RHOT1: variants seen among roughly 807,000 people sequenced by gnomAD.
RHOT1 encodes mitochondrial Rho GTPase 1.
In RHOT1, 27 loss-of-function variants were observed where a neutral mutation model predicts 95.3. The ratio of observed to expected loss-of-function variants is 0.28; its 90% CI spans 0.21 to 0.39. RHOT1 has a LOEUF of 0.39. Among genes scored for constraint, RHOT1 ranks in the 10% least tolerant of loss-of-function variants. The pLI, the probability that RHOT1 is intolerant of heterozygous loss-of-function variation, is 1.00. For synonymous variants in RHOT1, 227 were observed against 263.5 expected (o/e 0.86, Z 1.34); for missense variants, 578 against 786.7 (o/e 0.73, Z 3.17).
At chr17:32,224,534 C>T in intron 19 of RHOT1, 82 bp from the exon 20 acceptor site, 2 of 960,066 alleles carry the variant, frequency 2.1e-6, no homozygotes, top group Non-Finnish European at 3.2e-6. Context: ...TAATACTTCC[C>T]TAAAAGTAGA....
At chr17:32,216,418 T>G (rs1332963395) in intron 19 of RHOT1, among the ~76,000 whole-genome samples, 3 of 152,154 alleles carry the variant, frequency 2.0e-5, no homozygotes, top group Admixed American at 6.5e-5. Flanking sequence ...ATTTTATTAT[T>G]TGCATTAGCC....
At chr17:32,222,565 A>T (rs2038897341) in intron 19 of RHOT1, among the ~76,000 whole-genome samples, 1 of 152,018 alleles carries the variant, frequency 6.6e-6, no homozygotes, top group Admixed American at 6.6e-5. Context: ...CAGAGTACAT[A>T]CAGATAGATT....
chr17:32,199,494 A>G lies in RHOT1; in HGVS notation c.1044A>G (p.Thr348=). The change falls in exon 13 of 20, where the codon ACA becomes ACG. Residue 348 remains threonine (T), a synonymous_variant. Transcript: ENST00000545287. The stretch of plus-strand genomic sequence containing the variant: ...CTTGGGGGCCAGATGTGAATAACAC[A>G]GTTTGTACCAATGAAAGAGGCTGGA... ...YIPWGPDVNN[T]VCTNERGWIT... 1 of 1,612,988 alleles carries G rather than the reference A, an allele frequency of 6.2e-7. No homozygotes were observed. The highest frequency in any genetic ancestry group is 2.2e-5 in the East Asian group (1 of 44,834).
Position 32,203,875 on chromosome 17 carries a change from C to A in RHOT1, c.1333-15C>A. On this transcript the variant is annotated splice_polypyrimidine_tract_variant and intron_variant, in intron 15 of 19. Coordinates refer to ENST00000545287, the MANE Select transcript of RHOT1 (RefSeq NM_001033566.3). ...TAGTTACTGCAGATATTGAGATTTT[C>A]GGTTCTGTTTTCAGAGGCAGAAGAA... The A allele has an allele frequency of 6.3e-7, 1 of 1,594,342 alleles. No individual in the cohort carries two copies. Among genetic ancestry groups the A allele is most frequent in the South Asian group, 1.1e-5 (1 of 90,414 alleles).
chr17:32,142,948 G>A, intron 1 of RHOT1: 2 of 715,912 alleles, frequency 2.8e-6, no homozygotes, highest in Middle Eastern at 2.3e-4. Flanking sequence ...ACCTCACCTG[G>A]GCCCTCCAGA....
rs1168131737 is a variant in RHOT1, at chr17:32,202,969, C to T, written c.1332+69C>T. ...TAGTTACTAGTTTACATAATGTTTT[C>T]ATAGCCATTGACCTTTTTAGATAAT... On this transcript the variant is annotated intron_variant, in intron 15 of 19. Coordinates refer to ENST00000545287, the MANE Select transcript of RHOT1 (RefSeq NM_001033566.3). The T allele has an allele frequency of 2.0e-6, 3 of 1,497,872 alleles. No homozygotes were observed. In the African/African-American group the frequency reaches 4.2e-5, roughly 21 times the overall value. The allele number at this position is 1,497,872 out of a possible 1,614,324, so 92.8% of individuals were successfully genotyped here.
chr17:32,150,893 A>G, intron 1 of RHOT1: 1 of 1,542,382 alleles, frequency 6.5e-7, no homozygotes, highest in Non-Finnish European at 8.9e-7. Flanking sequence ...GCACTGGGGG[A>G]TGTTCTGGGG....
chr17:32,215,646 C>G (rs1303184954), intron 19 of RHOT1, among the ~76,000 whole-genome samples: 1 of 152,118 alleles, frequency 6.6e-6, no homozygotes, highest in African/African-American at 2.4e-5. Context: ...TTAATTTCTG[C>G]AAGTGTTTTT....
intron 18 of RHOT1, 36 bp downstream of exon 18, chr17:32,208,345 G>T (rs753041682): frequency 6.4e-7 from 1 of 1,560,904 alleles, no homozygotes; most frequent in Admixed American, 1.7e-5. Flanking sequence ...ATGTTGCATG[G>T]TTCATAACAT....
At chr17:32,220,399 A>G (rs1404534599) in intron 19 of RHOT1, among the ~76,000 whole-genome samples, 1 of 152,242 alleles carries the variant, frequency 6.6e-6, no homozygotes, top group Non-Finnish European at 1.5e-5. Flanking sequence ...GGAGATAGCC[A>G]GCAATAGGAG....
chr17:32,169,341 T>C (rs893729460), intron 1 of RHOT1, among the ~76,000 whole-genome samples: 1 of 152,236 alleles, frequency 6.6e-6, no homozygotes, highest in Non-Finnish European at 1.5e-5. Flanking sequence ...ATTTAGTTGA[T>C]GAATGTCTAA....
chr17:32,193,853 ATTTTG>A (rs1452113612), intron 10 of RHOT1, 129 bp from the exon 11 acceptor site: 11 of 1,102,804 alleles, frequency 1.0e-5, no homozygotes, highest in East Asian at 4.9e-5. Context: ...ATACTTGTGA[ATTTTG>A]TTTTGTTTTG....
chr17:32,179,841 G>C (rs961945228), intron 6 of RHOT1: 1 of 139,080 alleles, frequency 7.2e-6, no homozygotes, highest in African/African-American at 2.9e-5. Context: ...TGGGAAGTGG[G>C]GAGCGCCTCT....
chr17:32,176,818 G>C (rs147592265), intron 6 of RHOT1, among the ~76,000 whole-genome samples: 2,043 of 152,054 alleles, frequency 0.013, 54 homozygotes, highest in African/African-American at 0.047. Flanking sequence ...TGATCTGCTC[G>C]CCTTGGCCTC....
chr17:32,202,283 CT>C (rs1466076192), intron 14 of RHOT1, among the ~76,000 whole-genome samples: 1 of 152,156 alleles, frequency 6.6e-6, no homozygotes, highest in African/African-American at 2.4e-5. Context: ...TGGCATGCCT[CT>C]TTTACAGTTT....
At chr17:32,174,513 A>G (rs1388976829) in intron 3 of RHOT1, among the ~76,000 whole-genome samples, 1 of 152,224 alleles carries the variant, frequency 6.6e-6, no homozygotes, top group Non-Finnish European at 1.5e-5. Flanking sequence ...GTGTAGCCAT[A>G]TAATTAGATT....
chr17:32,161,223 G>GT (rs1156669869), intron 1 of RHOT1, among the ~76,000 whole-genome samples: 1 of 152,220 alleles, frequency 6.6e-6, no homozygotes, highest in African/African-American at 2.4e-5. Flanking sequence ...AATGGAGGAT[G>GT]TTGATTGGTT....
intron 4 of RHOT1, 136 bp from the exon 5 acceptor site, chr17:32,175,826 T>A (rs973666207): frequency 5.4e-6 from 3 of 554,670 alleles, no homozygotes; most frequent in African/African-American, 2.0e-5. Flanking sequence ...GGCAAGCTAA[T>A]TCTTTTTTTG....
intron 6 of RHOT1, among the ~76,000 whole-genome samples, chr17:32,180,513 C>CACTG (rs2035538496): frequency 6.6e-6 from 1 of 151,818 alleles, no homozygotes; most frequent in Admixed American, 6.6e-5. Flanking sequence ...GGGACACAAA[C>CACTG]ACTGTGTAGG....
Sources: gnomAD v4.1 joint callset for allele counts (sites outside exome capture counted in the v4.1 genomes callset) on GRCh38, gnomAD v4.1.1 for gene constraint, MANE v1.5 for transcripts, NCBI Gene and HGNC (gene_info 2026-07-23, HGNC 2026-07-21) for gene names.